LINGO2: variants seen among roughly 807,000 people sequenced by gnomAD.
LINGO2 encodes the protein leucine rich repeat and Ig domain containing 2.
LINGO2 carries 14 observed loss-of-function variants against 30.6 expected under a neutral mutation model. That is an observed-to-expected ratio of 0.46 (90% CI 0.30 to 0.72). The LOEUF (loss-of-function observed/expected upper bound fraction) is 0.72. Among genes scored for constraint, LINGO2 ranks in the 30% least tolerant of loss-of-function variants. The pLI, the probability that LINGO2 is intolerant of heterozygous loss-of-function variation, is 0.07. For synonymous variants in LINGO2, 317 were observed against 288.5 expected (o/e 1.10, Z -1.00); for missense variants, 729 against 751.7 (o/e 0.97, Z 0.35).
intron 4 of LINGO2, among the ~76,000 whole-genome samples, chr9:28,127,039 G>A (rs562786379): frequency 4.6e-5 from 7 of 152,180 alleles, no homozygotes; most frequent in Non-Finnish European, 7.3e-5. Context: ...TTAAAGATGA[G>A]AAAATTGAGA....
At chr9:29,063,633 C>T in the LINGO2 span, among the ~76,000 whole-genome samples, 1 of 151,982 alleles carries the variant, frequency 6.6e-6, no homozygotes, top group Non-Finnish European at 1.5e-5. Flanking sequence ...TATCTGACCT[C>T]AGGTAATCTG....
At chr9:28,293,792 G>T (rs1823826768) in intron 4 of LINGO2, among the ~76,000 whole-genome samples, 1 of 152,116 alleles carries the variant, frequency 6.6e-6, no homozygotes, top group Admixed American at 6.6e-5. Flanking sequence ...TTAACTCTAA[G>T]ACTTAAAGGT....
the LINGO2 span, among the ~76,000 whole-genome samples, chr9:28,698,513 A>G: frequency 5.3e-5 from 8 of 152,106 alleles, no homozygotes; most frequent in Non-Finnish European, 1.2e-4. Context: ...CATCTAGCAC[A>G]AAATGGCATG....
chr9:28,984,524 A>T, the LINGO2 span, among the ~76,000 whole-genome samples: 6 of 152,066 alleles, frequency 3.9e-5, no homozygotes. Context: ...ATTTAACTGG[A>T]TCATACAGAG....
chr9:28,908,227 G>T, the LINGO2 span, among the ~76,000 whole-genome samples: 1 of 151,542 alleles, frequency 6.6e-6, no homozygotes, highest in Non-Finnish European at 1.5e-5. Context: ...CAAAGGCATG[G>T]TATGTTTTAT....
At chr9:28,736,899 G>A in the LINGO2 span, among the ~76,000 whole-genome samples, 1 of 152,170 alleles carries the variant, frequency 6.6e-6, no homozygotes, top group Non-Finnish European at 1.5e-5. Context: ...CAGGCATTCT[G>A]TGCTTATGAT....
intron 4 of LINGO2, among the ~76,000 whole-genome samples, chr9:28,179,390 A>AC (rs1460819638): frequency 1.5e-4 from 20 of 130,604 alleles, no homozygotes; most frequent in Admixed American, 4.9e-4. Context: ...TATATAGTAT[A>AC]TATATACTAT....
At chr9:28,428,541 G>GAC (rs374794560) in intron 2 of LINGO2, among the ~76,000 whole-genome samples, 291 of 152,252 alleles carry the variant, frequency 1.9e-3, no homozygotes, top group African/African-American at 6.6e-3. Context: ...AAAACAACCA[G>GAC]ACCTTAACAA....
At chr9:28,497,323 C>T (rs953615084) in intron 1 of LINGO2, among the ~76,000 whole-genome samples, 21 of 152,220 alleles carry the variant, frequency 1.4e-4, no homozygotes, top group African/African-American at 3.4e-4. Flanking sequence ...GGTCTTTTCA[C>T]ATAGTCCCAT....
At chr9:28,918,515 T>C in the LINGO2 span, among the ~76,000 whole-genome samples, 1 of 152,200 alleles carries the variant, frequency 6.6e-6, no homozygotes, top group African/African-American at 2.4e-5. Flanking sequence ...TGCATAAAAT[T>C]CCATTCTTGG....
Position 28,613,484 on chromosome 9 carries a change from A to AACAC in LINGO2, c.-365+56712_-365+56715dup, listed in dbSNP as rs76554951. On this transcript the variant is annotated intron_variant, in intron 1 of 5. Coordinates refer to ENST00000379992, the Ensembl canonical transcript of LINGO2. Reference sequence around the variant, plus strand: ...TATATATATATTTATCTACTATGAAAACACACACACACACACATATATTTA... The same window carrying AACAC: ...TATATATATATTTATCTACTATGAAAACACACACACACACACACACATATATTTA... Among the ~76,000 whole-genome samples, 325 of 150,916 alleles carry AACAC rather than the reference A, an allele frequency of 2.2e-3. 1 individual carries two copies. Among genetic ancestry groups the AACAC allele is most frequent in the African/African-American group, 7.1e-3 (292 of 41,182 alleles).
At chr9:28,580,554 T>G (rs1824210692) in intron 1 of LINGO2, among the ~76,000 whole-genome samples, 1 of 152,042 alleles carries the variant, frequency 6.6e-6, no homozygotes, top group Non-Finnish European at 1.5e-5. Context: ...TTGCTGTTTT[T>G]GGTATAAAAA....
intron 4 of LINGO2, among the ~76,000 whole-genome samples, chr9:28,227,289 T>C (rs1486584299): frequency 1.3e-5 from 2 of 152,094 alleles, no homozygotes; most frequent in Admixed American, 6.6e-5. Flanking sequence ...CTTTTGGTTC[T>C]GTTTTACTAA....
the LINGO2 span, among the ~76,000 whole-genome samples, chr9:29,205,543 G>C: frequency 6.6e-6 from 1 of 151,912 alleles, no homozygotes; most frequent in Non-Finnish European, 1.5e-5. Context: ...ATTTTCTTAT[G>C]ATAACTTTTA....
At chr9:28,527,953 C>T (rs1349364702) in intron 1 of LINGO2, among the ~76,000 whole-genome samples, 1 of 152,114 alleles carries the variant, frequency 6.6e-6, no homozygotes, top group African/African-American at 2.4e-5. Context: ...GGAATTCTTC[C>T]TCTTAGGGTC....
chr9:28,836,862 C>T, the LINGO2 span, among the ~76,000 whole-genome samples: 3 of 151,968 alleles, frequency 2.0e-5, no homozygotes, highest in South Asian at 6.2e-4. Flanking sequence ...AAAAACTTAC[C>T]ATTCTTTTAA....
intron 4 of LINGO2, among the ~76,000 whole-genome samples, chr9:28,227,795 G>A (rs1821221300): frequency 6.6e-6 from 1 of 151,974 alleles, no homozygotes; most frequent in Non-Finnish European, 1.5e-5. Context: ...TGAATGCCTA[G>A]CTTGCCATAT....
the LINGO2 span, among the ~76,000 whole-genome samples, chr9:29,014,277 T>A: frequency 6.6e-6 from 1 of 152,132 alleles, no homozygotes; most frequent in Non-Finnish European, 1.5e-5. Context: ...AAAATGGACA[T>A]AAACAATTGA....
At position 28,446,508 on chromosome 9, in the gene LINGO2, C is replaced by G. The variant is rs182682168; in HGVS notation, c.-279+29432G>C. On this transcript the variant is annotated intron_variant, in intron 2 of 5. Coordinates refer to ENST00000379992, the Ensembl canonical transcript of LINGO2. ...TAATATCCACCATGCTGAACAAAGC[C>G]TTGGCTTTTTCTTTTTGCTCTTCAC... Among the ~76,000 whole-genome samples the G allele has an allele frequency of 3.9e-5, 6 of 152,272 alleles. 1 individual carries two copies. The highest frequency in any genetic ancestry group is 1.4e-4 in the African/African-American group (6 of 41,570).
Sources: allele counts gnomAD v4.1 joint callset (sites outside exome capture counted in the v4.1 genomes callset), GRCh38; gene constraint gnomAD v4.1.1; transcripts MANE v1.5; gene names NCBI Gene and HGNC (gene_info 2026-07-23, HGNC 2026-07-21).